FOXN3: variants seen among roughly 807,000 people sequenced by gnomAD.
FOXN3 encodes the protein forkhead box N3, also known as forkhead box protein N3.
In FOXN3, 7 loss-of-function variants were observed where a neutral mutation model predicts 38.4. The observed-to-expected ratio is 0.18, with a 90% CI of 0.10 to 0.34. FOXN3 has a LOEUF of 0.34. Ranked by LOEUF, FOXN3 falls within the 10% of genes least tolerant of loss-of-function variation. The pLI is 1.00. For synonymous variants in FOXN3, 230 were observed against 242.2 expected (o/e 0.95, Z 0.47); for missense variants, 456 against 613.4 (o/e 0.74, Z 2.71).
At position 89,459,500 on chromosome 14, in the gene FOXN3, AG is replaced by A. The variant is rs1306822529; in HGVS notation, c.-14-47011del. ...GGAAAATGAGCTCCAGCGAGATTAT[AG>A]GACTTGATCTAGAGCCTGCAGTGGA... On this transcript the variant is annotated intron_variant, in intron 1 of 6. Coordinates refer to the FOXN3 transcript ENST00000345097. Among the ~76,000 whole-genome samples, 108 of 152,218 alleles carry A rather than the reference AG, an allele frequency of 7.1e-4. 1 individual carries two copies. Among genetic ancestry groups the A allele is most frequent in the Non-Finnish European group, 1.4e-3 (94 of 68,032 alleles).
chr14:89,279,220 T>G (rs988383421), intron 4 of FOXN3, among the ~76,000 whole-genome samples: 36 of 152,158 alleles, frequency 2.4e-4, no homozygotes, highest in Admixed American at 3.3e-4. Flanking sequence ...TCAATAAGCA[T>G]CTGAAATCTG....
At chr14:89,435,066 A>T (rs1431832679) in intron 1 of FOXN3, among the ~76,000 whole-genome samples, 1 of 152,128 alleles carries the variant, frequency 6.6e-6, no homozygotes, top group Non-Finnish European at 1.5e-5. Context: ...TATCCTAGAC[A>T]AGAGGGTAAA....
chr14:89,342,339 C>T (rs1026135170), intron 3 of FOXN3, among the ~76,000 whole-genome samples: 12 of 152,172 alleles, frequency 7.9e-5, no homozygotes, highest in Non-Finnish European at 1.3e-4. Context: ...TCAAAGATAA[C>T]AGGGACTGTT....
chr14:89,188,257 C>T (rs1887859796), intron 4 of FOXN3, among the ~76,000 whole-genome samples: 1 of 152,198 alleles, frequency 6.6e-6, no homozygotes, highest in Non-Finnish European at 1.5e-5. Flanking sequence ...TATTTACAGT[C>T]TGAGTATTAC....
At chr14:89,224,359 G>C (rs578243769) in intron 4 of FOXN3, among the ~76,000 whole-genome samples, 2 of 152,242 alleles carry the variant, frequency 1.3e-5, no homozygotes, top group African/African-American at 4.8e-5. Flanking sequence ...AAACTGATAG[G>C]CTTATAAATA....
intron 1 of FOXN3, among the ~76,000 whole-genome samples, chr14:89,413,315 A>G (rs1217133328): frequency 1.3e-5 from 2 of 152,176 alleles, no homozygotes; most frequent in Non-Finnish European, 2.9e-5. Flanking sequence ...AACGAACAGT[A>G]AGAAAATCAA....
chr14:89,281,724 T>C (rs1406259767), intron 3 of FOXN3, among the ~76,000 whole-genome samples: 1 of 152,220 alleles, frequency 6.6e-6, no homozygotes, highest in Non-Finnish European at 1.5e-5. Context: ...GAAAACTTTA[T>C]AACCAAGCCA....
At chr14:89,363,975 TATATATATATATA>T (rs1477041443) in intron 2 of FOXN3, among the ~76,000 whole-genome samples, 62 of 81,770 alleles carry the variant, frequency 7.6e-4, no homozygotes, top group African/African-American at 2.9e-3. Context: ...TATATATATA[TATATATATATATA>T]ATATATATAT....
At chr14:89,546,392 C>T (rs1273607303) in intron 1 of FOXN3, among the ~76,000 whole-genome samples, 3 of 118,352 alleles carry the variant, frequency 2.5e-5, no homozygotes, top group South Asian at 2.8e-4. Context: ...TGTGGTGGCG[C>T]AATCTCGGCT....
intron 3 of FOXN3, among the ~76,000 whole-genome samples, chr14:89,326,704 C>CA (rs947898354): frequency 4.9e-4 from 73 of 150,146 alleles, no homozygotes; most frequent in Non-Finnish European, 7.3e-4. Flanking sequence ...ACATTGCTGT[C>CA]AAAAAAAAAG....
chr14:89,365,352 C>T (rs1890107939), intron 2 of FOXN3, among the ~76,000 whole-genome samples: 1 of 152,178 alleles, frequency 6.6e-6, no homozygotes, highest in Non-Finnish European at 1.5e-5. Context: ...CAAGAGCTAG[C>T]ACGCTAACAA....
intron 1 of FOXN3, among the ~76,000 whole-genome samples, chr14:89,462,974 G>C (rs940350274): frequency 6.6e-6 from 1 of 150,796 alleles, no homozygotes; most frequent in South Asian, 2.1e-4. Context: ...GTGAGCCATC[G>C]CACCCAGCCC....
chr14:89,477,146 A>G (rs761692536), intron 1 of FOXN3, among the ~76,000 whole-genome samples: 1 of 152,110 alleles, frequency 6.6e-6, no homozygotes, highest in Non-Finnish European at 1.5e-5. Context: ...TTGAATACCT[A>G]CTTGTGCATA....
At chr14:89,292,996 C>T (rs530563709) in intron 3 of FOXN3, among the ~76,000 whole-genome samples, 1 of 152,316 alleles carries the variant, frequency 6.6e-6, no homozygotes, top group African/African-American at 2.4e-5. Flanking sequence ...CTCTTCTTGC[C>T]GGACAGTCGG....
rs977436638 is a variant in FOXN3, at chr14:89,291,241, G to A, written c.681-10227C>T. The stretch of plus-strand genomic sequence containing the variant: ...AGATGACTAAACATGTTACTCCCTC[G>A]GTTTCTCTCTTTGAAGGTTTGGACT... On this transcript the variant is annotated intron_variant, in intron 3 of 5. Coordinates refer to ENST00000557258, the MANE Select transcript of FOXN3 (RefSeq NM_005197.4). The A allele has an allele frequency of 8.6e-5, 37 of 430,606 alleles. 1 individual carries two copies. Among genetic ancestry groups the A allele is most frequent in the Admixed American group, 2.0e-4 (7 of 34,680 alleles). 26.7% of individuals were successfully genotyped at this position (430,606 alleles called of 1,614,324 possible).
chr14:89,551,393 T>C (rs1895002701), intron 1 of FOXN3, among the ~76,000 whole-genome samples: 2 of 152,050 alleles, frequency 1.3e-5, no homozygotes, highest in African/African-American at 2.4e-5. Flanking sequence ...ATCCATCCAC[T>C]ATCCCTTCAA....
chr14:89,460,113 C>T (rs1180573554), intron 1 of FOXN3, among the ~76,000 whole-genome samples: 1 of 152,128 alleles, frequency 6.6e-6, no homozygotes, highest in Non-Finnish European at 1.5e-5. Flanking sequence ...GTGGGGAAAG[C>T]AAGGAGCTTC....
At chr14:89,359,306 TA>T (rs60081259) in intron 2 of FOXN3, among the ~76,000 whole-genome samples, 37,077 of 143,522 alleles carry the variant, frequency 0.26, 5,184 homozygotes, top group African/African-American at 0.42. Context: ...AAAATAAAAT[TA>T]AAAAAAAAAA....
chr14:89,257,733 G>A (rs751529886), intron 4 of FOXN3, among the ~76,000 whole-genome samples: 6 of 152,210 alleles, frequency 3.9e-5, no homozygotes, highest in Non-Finnish European at 7.3e-5. Context: ...ATGGGTGACA[G>A]AGTGAGATCC....
Sources: gnomAD v4.1 joint callset for allele counts (sites outside exome capture counted in the v4.1 genomes callset) on GRCh38, gnomAD v4.1.1 for gene constraint, MANE v1.5 for transcripts, NCBI Gene and HGNC (gene_info 2026-07-23, HGNC 2026-07-21) for gene names.